The following HDLBP variants were observed in gnomAD, a reference collection of about 807,000 sequenced individuals.
The protein encoded by HDLBP is vigilin.
A neutral mutation model predicts 137.3 loss-of-function variants in HDLBP; 30 were observed. The observed-to-expected ratio is 0.22, with a 90% CI of 0.16 to 0.30. The LOEUF is 0.30. Among genes scored for constraint, HDLBP ranks in the 10% least tolerant of loss-of-function variants. The probability of loss-of-function intolerance (pLI) is 1.00; values close to 1 mark genes in which losing one functional copy is unlikely to be tolerated. For synonymous variants in HDLBP, 606 were observed against 596.0 expected (o/e 1.02, Z -0.24); for missense variants, 1,119 against 1,667.3 (o/e 0.67, Z 5.73).
At chr2:241,266,645 C>T (rs1013958326) in intron 3 of HDLBP, 149 bp downstream of exon 3, 16 of 634,468 alleles carry the variant, frequency 2.5e-5, no homozygotes, top group African/African-American at 1.1e-4. Flanking sequence ...CACAGCAATG[C>T]GAAAACAGTG....
chr2:241,295,831 A>G (rs538539731), intron 1 of HDLBP, among the ~76,000 whole-genome samples: 4 of 152,296 alleles, frequency 2.6e-5, no homozygotes, highest in South Asian at 2.1e-4. Flanking sequence ...GCTGCAAGCC[A>G]AGGACTGTGG....
rs1559492162 is a variant in HDLBP, at chr2:241,242,607, A to G, written c.2022T>C (p.Arg674=). The G allele has an allele frequency of 1.9e-6, 3 of 1,614,216 alleles. No homozygotes were observed. Among genetic ancestry groups the G allele is most frequent in the Non-Finnish European group, 8.5e-7 (1 of 1,180,038 alleles). Residue 674 remains arginine, a synonymous_variant, in exon 17 of 28, where the codon CGT becomes CGC. Coordinates refer to ENST00000310931, the MANE Select transcript of HDLBP (RefSeq NM_005336.6). ...ACTCCTCCATGATGGAGCGGATCAGACGGCCCTTGGTGCCAATGAGGGAGT... is the reference window on the plus strand; with the variant it reads ...ACTCCTCCATGATGGAGCGGATCAGGCGGCCCTTGGTGCCAATGAGGGAGT... ...LHNSLIGTKG[R]LIRSIMEECG...
chr2:241,301,878 G>A (rs1483145972), intron 1 of HDLBP, among the ~76,000 whole-genome samples: 2 of 151,946 alleles, frequency 1.3e-5, no homozygotes, highest in Non-Finnish European at 2.9e-5. Context: ...GAAGCCCTAA[G>A]GGGTAAAACT....
chr2:241,281,478 G>A (rs1156843147), intron 1 of HDLBP, among the ~76,000 whole-genome samples: 1 of 152,178 alleles, frequency 6.6e-6, no homozygotes, highest in Non-Finnish European at 1.5e-5. Flanking sequence ...TTGAGATCGT[G>A]ACACTGCACT....
At chr2:241,267,357 G>A (rs549715435) in intron 2 of HDLBP, among the ~76,000 whole-genome samples, 2 of 152,282 alleles carry the variant, frequency 1.3e-5, no homozygotes, top group South Asian at 2.1e-4. Flanking sequence ...CCCCTCAAAA[G>A]TTGCCTGTAA....
At chr2:241,249,294 G>C in intron 12 of HDLBP, 1 of 470,834 alleles carries the variant, frequency 2.1e-6, no homozygotes, top group Non-Finnish European at 4.4e-6. Flanking sequence ...CACTCACGCA[G>C]TATTTGACTT....
At chr2:241,254,291 T>A (rs746675) in intron 9 of HDLBP, among the ~76,000 whole-genome samples, 21,393 of 151,844 alleles carry the variant, frequency 0.14, 1,964 homozygotes, top group Non-Finnish European at 0.21. Context: ...ATAAAAAAAA[T>A]TTAATTTTTA....
intron 1 of HDLBP, among the ~76,000 whole-genome samples, chr2:241,285,074 T>C (rs933109170): frequency 1.3e-5 from 2 of 151,208 alleles, no homozygotes; most frequent in South Asian, 2.1e-4. Context: ...AGAGGCGGGG[T>C]TTCACCATGT....
rs1348407671 is a variant in HDLBP at position 241,228,832 on chromosome 2, G to GT, written c.*768dup. On this transcript the variant is annotated 3_prime_UTR_variant, in exon 28 of 28. Coordinates refer to ENST00000310931, the MANE Select transcript of HDLBP (RefSeq NM_005336.6). ...CGTAAGGCCCTACCTCCCCCAACCT[G>GT]TGCGCATCTCAATCACAGCAGACAC... is the stretch of plus-strand genomic sequence containing the variant. 1 of 152,844 alleles carries GT rather than the reference G, an allele frequency of 6.5e-6. No homozygotes were observed. The highest frequency in any genetic ancestry group is 1.5e-5 in the Non-Finnish European group (1 of 68,234). 9.5% of individuals were successfully genotyped at this position (152,844 alleles called of 1,614,324 possible).
At chr2:241,259,318 G>A (rs1407803153) in intron 5 of HDLBP, among the ~76,000 whole-genome samples, 1 of 152,150 alleles carries the variant, frequency 6.6e-6, no homozygotes, top group African/African-American at 2.4e-5. Flanking sequence ...GAGGGAGCAG[G>A]GTGAAGGTAA....
rs1470907858 is a variant in HDLBP, at chr2:241,239,568, G to T, written c.2610+34C>A. 1.9e-6 allele frequency: 3 copies of T among 1,571,982 alleles called. No individual in the cohort carries two copies. The African/African-American group carries it at 4.0e-5, about 21-fold the overall frequency. ...GGCTTCGGTGAGTGGCCACTGGGGG[G>T]TGAGAACCCCTCCCCGAGCACCCAA... is the stretch of plus-strand genomic sequence containing the variant. On this transcript the variant is annotated intron_variant, in intron 19 of 27. Transcript: ENST00000310931. This position sits in a 1 kb window ranked among gnomAD's most constrained non-coding sequence, Gnocchi z 4.6.
At chr2:241,305,937 T>C (rs1168481991) in intron 1 of HDLBP, among the ~76,000 whole-genome samples, 1 of 151,926 alleles carries the variant, frequency 6.6e-6, no homozygotes, top group East Asian at 1.9e-4. Flanking sequence ...ATTTTTTGTA[T>C]TTTTAGTAGA....
intron 1 of HDLBP, among the ~76,000 whole-genome samples, chr2:241,290,111 T>A (rs2074962717): frequency 6.6e-6 from 1 of 152,136 alleles, no homozygotes; most frequent in Admixed American, 6.5e-5. Context: ...ACACAGTTAA[T>A]GAAAAGAGCA....
At chr2:241,260,190 G>A (rs2073040262) in intron 5 of HDLBP, among the ~76,000 whole-genome samples, 2 of 152,032 alleles carry the variant, frequency 1.3e-5, no homozygotes, top group African/African-American at 2.4e-5. Flanking sequence ...ATTTTTAGTA[G>A]AGATGGGGTT....
At position 241,228,010 on chromosome 2, in the gene HDLBP, G is replaced by C. The variant is rs1398238346; in HGVS notation, c.*1591C>G. ...CATTCAGGGCTGCCTGAGCAAATGG[G>C]GACTTGCCGAGGCAGCTGCAACTAG... On this transcript the variant is annotated 3_prime_UTR_variant, in exon 28 of 28. Transcript: ENST00000310931. The C allele has an allele frequency of 1.3e-5, 2 of 152,222 alleles. No homozygotes were observed. The highest frequency in any genetic ancestry group is 4.8e-5 in the African/African-American group (2 of 41,448). The allele number at this position is 152,222 out of a possible 1,614,324, so 9.4% of individuals were successfully genotyped here. A position where few individuals can be genotyped will look rare whatever the true frequency, so the allele number is the denominator to read the frequency against.
At position 241,255,510 on chromosome 2, in the gene HDLBP, C is replaced by G. The variant is rs145139653; in HGVS notation, c.944G>C (p.Gly315Ala). 5.6e-6 allele frequency: 9 copies of G among 1,613,850 alleles called. No homozygotes were observed. The African/African-American group carries it at 1.2e-4, about 22-fold the overall frequency. Residue 315 changes from glycine (G) to alanine (A), a missense_variant, in exon 8 of 28, where the codon GGC (glycine) becomes GCC (alanine). Around this residue, in one of 4 missense-constraint regions of HDLBP, gnomAD observed 425 missense variants for 693.9 expected, o/e 0.61. Coordinates refer to ENST00000310931, the MANE Select transcript of HDLBP (RefSeq NM_005336.6). ...SQHKYVIGPK[G>A]NSLQEILERT... Reference sequence around the variant, plus strand: ...CTCAAGGATCTCCTGCAATGAATTGCCCTTGGGCCCAATGACATACTTGTG... The same window carrying G: ...CTCAAGGATCTCCTGCAATGAATTGGCCTTGGGCCCAATGACATACTTGTG...
chr2:241,299,505 CA>C (rs11423330), intron 1 of HDLBP, among the ~76,000 whole-genome samples: 6,441 of 49,212 alleles, frequency 0.13, 74 homozygotes, highest in East Asian at 0.18. Context: ...GGCTCCGTCT[CA>C]AAAAAAAAAA....
chr2:241,254,675 G>A (rs1313757460), intron 9 of HDLBP, among the ~76,000 whole-genome samples: 1 of 151,934 alleles, frequency 6.6e-6, no homozygotes, highest in Non-Finnish European at 1.5e-5. Flanking sequence ...TAGTAGAGTC[G>A]GGGTTTCACC....
intron 1 of HDLBP, among the ~76,000 whole-genome samples, chr2:241,292,030 C>G (rs1416437947): frequency 6.6e-6 from 1 of 152,170 alleles, no homozygotes; most frequent in African/African-American, 2.4e-5. Context: ...ATAACGGGTA[C>G]AAGCAACAAG....
Sources: allele counts gnomAD v4.1 joint callset (sites outside exome capture counted in the v4.1 genomes callset), GRCh38; gene constraint gnomAD v4.1.1; regional missense constraint gnomAD v4.1.1; non-coding constraint Gnocchi (gnomAD v3.1); transcripts MANE v1.5; gene names NCBI Gene and HGNC (gene_info 2026-07-23, HGNC 2026-07-21).